The following NBPF9 variants were observed in gnomAD, a reference collection of about 807,000 sequenced individuals.
The protein encoded by NBPF9 is NBPF member 9, also known as NBPF family member NBPF9.
A neutral mutation model predicts 97.8 loss-of-function variants in NBPF9; 91 were observed. That is an observed-to-expected ratio of 0.93 (90% CI 0.79 to 1.11). The LOEUF (loss-of-function observed/expected upper bound fraction) is 1.11. NBPF9 is among the 50% of genes least tolerant of loss of function. NBPF9 has a pLI of 0.00. For synonymous variants in NBPF9, 334 were observed against 359.5 expected (o/e 0.93, Z 0.80); for missense variants, 992 against 939.5 (o/e 1.06, Z -0.73).
rs587633615 is a variant in NBPF9 at position 149,062,855 on chromosome 1, A to C, written c.2078+7T>G. The stretch of plus-strand genomic sequence containing the variant: ...AGAATTAAGCATCCATAATTGCTCA[A>C]AGTTACCTGGGGCATGATGGGTCTT... On this transcript the variant is annotated splice_region_variant and intron_variant, in intron 21 of 29. Transcript: ENST00000584027. 1.5e-6 allele frequency: 1 copy of C among 669,616 alleles called. No homozygotes were observed. Among genetic ancestry groups the C allele is most frequent in the Admixed American group, 2.6e-5 (1 of 38,548 alleles). 41.5% of individuals were successfully genotyped at this position (669,616 alleles called of 1,614,324 possible).
rs1176047460 is a variant in NBPF9 at position 149,076,997 on chromosome 1, A to G, written c.778+211T>C. On this transcript the variant is annotated intron_variant, in intron 11 of 29. Transcript: ENST00000584027. ...TCTTTGTAAAGATGGGTTTCACCAT[A>G]TTGTGTAGGCTGGTCTTCAACTCCT... Among the ~76,000 whole-genome samples the G allele has an allele frequency of 3.6e-3, 543 of 150,874 alleles. 12 individuals are homozygous for G. Among genetic ancestry groups the G allele is most frequent in the Non-Finnish European group, 4.4e-3 (300 of 67,458 alleles).
At chr1:149,064,298 A>G in intron 19 of NBPF9, 133 bp downstream of exon 19, 3 of 749,098 alleles carry the variant, frequency 4.0e-6, no homozygotes, top group Non-Finnish European at 6.6e-6. Context: ...AGAACCAAAA[A>G]GCAATGTAGT....
intron 7 of NBPF9, among the ~76,000 whole-genome samples, chr1:149,081,190 G>A (rs1460600728): frequency 6.6e-6 from 1 of 151,970 alleles, no homozygotes; most frequent in Non-Finnish European, 1.5e-5. Flanking sequence ...TGCAATCTTG[G>A]CTCACTGCAA....
chr1:149,073,079 G>C (rs2079551231), intron 13 of NBPF9, 147 bp from the exon 14 acceptor site: 3 of 652,284 alleles, frequency 4.6e-6, no homozygotes, highest in African/African-American at 1.8e-5. Context: ...CTGTGGCCAA[G>C]AGAAAGAATA....
In NBPF9 at chr1:149,064,611, A is replaced by T; in HGVS notation, c.1802-129T>A. The T allele has an allele frequency of 1.8e-5, 12 of 657,558 alleles. No individual in the cohort carries two copies. In the South Asian group the frequency reaches 2.1e-4, roughly 11 times the overall value. 40.7% of individuals were successfully genotyped at this position (657,558 alleles called of 1,614,324 possible). ...TGTGAGAACAGGAGACTTTGAGAGA[A>T]ATATTCCAGTAGGCCTGAGGTCAAG... is the stretch of plus-strand genomic sequence containing the variant. On this transcript the variant is annotated intron_variant, in intron 18 of 29. Coordinates refer to ENST00000584027, the Ensembl canonical transcript of NBPF9.
chr1:149,103,195 G>A (rs1257014712), intron 1 of NBPF9, 106 bp downstream of exon 1: 3 of 125,366 alleles, frequency 2.4e-5, no homozygotes, highest in African/African-American at 9.0e-5. Flanking sequence ...ACCCCGCCTC[G>A]CCCTCCGTCG....
At chr1:149,064,878 T>A in intron 18 of NBPF9, 1 of 525,880 alleles carries the variant, frequency 1.9e-6, no homozygotes. Flanking sequence ...AGAGATTTGA[T>A]GAGGGGGTGC....
Position 149,076,257 on chromosome 1 carries a change from G to A in NBPF9, c.779-393C>T. Among the ~76,000 whole-genome samples, 2 of 151,260 alleles carry A rather than the reference G, an allele frequency of 1.3e-5. 1 individual carries two copies. Among genetic ancestry groups the A allele is most frequent in the Non-Finnish European group, 3.0e-5 (2 of 67,670 alleles). ...CTGTCACGCAGGCTGAAGTGCAGAGGCACAATCTCAGCTCACTGCCACCTC... is the reference window on the plus strand; with the variant it reads ...CTGTCACGCAGGCTGAAGTGCAGAGACACAATCTCAGCTCACTGCCACCTC... On this transcript the variant is annotated intron_variant, in intron 11 of 29. Transcript: ENST00000584027.
intron 5 of NBPF9, among the ~76,000 whole-genome samples, chr1:149,087,828 C>CTTTTT (rs60084667): frequency 2.6e-4 from 23 of 88,556 alleles, no homozygotes; most frequent in African/African-American, 3.6e-4. Context: ...GTTGACTTTC[C>CTTTTT]TTTTTTTTTT....
chr1:149,093,112 G>C (rs2081514744), intron 4 of NBPF9, among the ~76,000 whole-genome samples: 1 of 151,922 alleles, frequency 6.6e-6, no homozygotes, highest in African/African-American at 2.4e-5. Context: ...TAGGATAATA[G>C]TGGAGAGAAG....
chr1:149,083,152 G>T (rs587601133), intron 5 of NBPF9, among the ~76,000 whole-genome samples: 1 of 149,134 alleles, frequency 6.7e-6, no homozygotes, highest in Non-Finnish European at 1.5e-5. Context: ...TAATTTGTTT[G>T]ATTGTGTTTT....
At chr1:149,070,256 G>A (rs1271572209) in intron 16 of NBPF9, among the ~76,000 whole-genome samples, 1 of 149,580 alleles carries the variant, frequency 6.7e-6, no homozygotes. Flanking sequence ...GGGAGGCAGA[G>A]GTTGCACCAA....
intron 14 of NBPF9, among the ~76,000 whole-genome samples, chr1:149,071,929 G>C (rs1270065587): frequency 1.3e-5 from 2 of 151,626 alleles, no homozygotes; most frequent in African/African-American, 4.9e-5. Context: ...TATCACTGGA[G>C]GCTTGTGCAG....
rs587752085 is a variant in NBPF9, at chr1:149,071,064, G to A, written c.1455C>T (p.Ser485=). Residue 485 remains serine (S), a synonymous_variant, in exon 16 of 30, where the codon AGC becomes AGT. Coordinates refer to ENST00000584027, the Ensembl canonical transcript of NBPF9. ...GCTGGTTGGAGTCATAAGGGCCATG[G>A]CTATTTGAATAAGTGATGGCACATT... 30 of 1,610,810 alleles carry A rather than the reference G, an allele frequency of 1.9e-5. No homozygotes were observed. The African/African-American group carries it at 3.7e-4, about 20-fold the overall frequency.
Position 149,060,768 on chromosome 1 carries a change from G to A in NBPF9, c.2304-73C>T. The A allele has an allele frequency of 1.4e-5, 5 of 363,930 alleles. 2 individuals are homozygous for A. Among genetic ancestry groups the A allele is most frequent in the Non-Finnish European group, 2.4e-5 (5 of 209,266 alleles). The allele number at this position is 363,930 out of a possible 1,614,324, so 22.5% of individuals were successfully genotyped here. A position where few individuals can be genotyped will look rare whatever the true frequency, so the allele number is the denominator to read the frequency against. ...CAACAGAGCCCCAACTAGGTTTCAT[G>A]GGTAGCATAGGGAAGTGGTTAAAAA... On this transcript the variant is annotated intron_variant, in intron 23 of 29. Coordinates refer to ENST00000584027, the Ensembl canonical transcript of NBPF9.
At chr1:149,059,910 A>C (rs2078489196) in intron 24 of NBPF9, 102 bp from the exon 25 acceptor site, 3 of 468,844 alleles carry the variant, frequency 6.4e-6, no homozygotes, top group Non-Finnish European at 1.2e-5. Flanking sequence ...GCTCCTCAGC[A>C]TAAGAATAGG....
chr1:149,082,043 G>C, exon 7 of NBPF9: 1 of 1,610,962 alleles, frequency 6.2e-7, no homozygotes, highest in Non-Finnish European at 8.5e-7. Flanking sequence ...CCGAACTGCT[G>C]TTTGTTCTCT....
At chr1:149,084,144 G>A (rs1203498286) in intron 5 of NBPF9, among the ~76,000 whole-genome samples, 7 of 149,922 alleles carry the variant, frequency 4.7e-5, no homozygotes, top group African/African-American at 1.7e-4. Context: ...ACACACCAGG[G>A]CCTGTCATGG....
intron 4 of NBPF9, chr1:149,092,801 A>AG (rs2081491528): frequency 1.3e-6 from 1 of 798,328 alleles, no homozygotes; most frequent in African/African-American, 1.9e-5. Flanking sequence ...GAAGACAATG[A>AG]GGGGTATTTC....
Sources: allele counts gnomAD v4.1 joint callset (sites outside exome capture counted in the v4.1 genomes callset), GRCh38; gene constraint gnomAD v4.1.1; transcripts MANE v1.5; gene names NCBI Gene and HGNC (gene_info 2026-07-23, HGNC 2026-07-21).